The following FRAS1 variants were observed in gnomAD, a reference collection of about 807,000 sequenced individuals.
The protein encoded by FRAS1 is Fraser extracellular matrix complex subunit 1.
A neutral mutation model predicts 435.2 loss-of-function variants in FRAS1; 290 were observed. That is an observed-to-expected ratio of 0.67 (90% CI 0.61 to 0.73). The LOEUF (loss-of-function observed/expected upper bound fraction) is 0.73, where lower values mean the gene tolerates loss of function less well. Among genes scored for constraint, FRAS1 ranks in the 30% least tolerant of loss-of-function variants. FRAS1 has a pLI of 0.00. For synonymous variants in FRAS1, 1,800 were observed against 1,851.0 expected (o/e 0.97, Z 0.71); for missense variants, 4,860 against 5,001.5 (o/e 0.97, Z 0.85).
intron 2 of FRAS1, among the ~76,000 whole-genome samples, chr4:78,104,941 A>G (rs1200594381): frequency 1.3e-5 from 2 of 152,246 alleles, no homozygotes; most frequent in Non-Finnish European, 2.9e-5. Context: ...CAAGGTGTTC[A>G]GCCTAACCTT....
At chr4:78,487,023 C>T (rs1720191461) in intron 58 of FRAS1, among the ~76,000 whole-genome samples, 1 of 152,154 alleles carries the variant, frequency 6.6e-6, no homozygotes, top group African/African-American at 2.4e-5. Flanking sequence ...CAAGAAAAAA[C>T]AATCTAAAGC....
chr4:78,224,951 T>C (rs1281078482), intron 2 of FRAS1, among the ~76,000 whole-genome samples: 1 of 152,202 alleles, frequency 6.6e-6, no homozygotes, highest in Non-Finnish European at 1.5e-5. Context: ...CTAACTTGTT[T>C]GCGCATTAGT....
chr4:78,118,273 G>C (rs1718778549), intron 2 of FRAS1, among the ~76,000 whole-genome samples: 2 of 152,202 alleles, frequency 1.3e-5, no homozygotes. Context: ...GCTACTCGGG[G>C]ACCAGGGACC....
At chr4:78,446,224 G>C (rs1718823935) in intron 42 of FRAS1, 1 of 996,300 alleles carries the variant, frequency 1.0e-6, no homozygotes, top group African/African-American at 1.7e-5. Context: ...CCTCTGCCTT[G>C]GGAAAATAAA....
At chr4:78,286,603 C>T in intron 14 of FRAS1, 64 bp downstream of exon 14, 3 of 1,556,492 alleles carry the variant, frequency 1.9e-6, no homozygotes, top group South Asian at 2.3e-5. Context: ...CTGACCCCAC[C>T]AAGTGATCTG....
intron 1 of FRAS1, 115 bp from the exon 2 acceptor site, chr4:78,065,870 C>T (rs1740009912): frequency 2.7e-6 from 2 of 748,486 alleles, no homozygotes; most frequent in Non-Finnish European, 4.5e-6. Flanking sequence ...TTGGAAGAAG[C>T]TCATTTTCCT....
At chr4:78,538,343 T>C (rs530791807) in intron 72 of FRAS1, among the ~76,000 whole-genome samples, 42 of 152,320 alleles carry the variant, frequency 2.8e-4, no homozygotes, top group African/African-American at 9.6e-4. Context: ...TGTAAGTGTG[T>C]AAAGGGTCCT....
chr4:78,218,653 CAG>C (rs1723909701), intron 2 of FRAS1, among the ~76,000 whole-genome samples: 1 of 152,152 alleles, frequency 6.6e-6, no homozygotes, highest in Non-Finnish European at 1.5e-5. Context: ...CTTGAGATTG[CAG>C]AGAGTTAGCC....
At chr4:78,066,280 G>A (rs1430219611) in intron 2 of FRAS1, among the ~76,000 whole-genome samples, 1 of 152,098 alleles carries the variant, frequency 6.6e-6, no homozygotes, top group Non-Finnish European at 1.5e-5. Flanking sequence ...TGTTCTTTGT[G>A]TTCTTTTAAT....
chr4:78,367,305 TGAAGCAG>T (rs1731310505), intron 22 of FRAS1, among the ~76,000 whole-genome samples: 1 of 151,604 alleles, frequency 6.6e-6, no homozygotes, highest in Non-Finnish European at 1.5e-5. Flanking sequence ...TATGGGAATC[TGAAGCAG>T]GTTTGCTTGA....
intron 15 of FRAS1, among the ~76,000 whole-genome samples, chr4:78,311,070 T>G (rs916041261): frequency 1.3e-5 from 2 of 152,276 alleles, no homozygotes; most frequent in Admixed American, 6.5e-5. Context: ...TTTTAAGTAT[T>G]TATGCCATTA....
intron 51 of FRAS1, among the ~76,000 whole-genome samples, chr4:78,470,519 TATC>T (rs1032833845): frequency 6.6e-6 from 1 of 152,122 alleles, no homozygotes; most frequent in Non-Finnish European, 1.5e-5. Context: ...TGGCCCTCAG[TATC>T]CACAGGTTCC....
chr4:78,304,991 G>C (rs567857321), intron 14 of FRAS1, among the ~76,000 whole-genome samples: 1 of 152,218 alleles, frequency 6.6e-6, no homozygotes, highest in African/African-American at 2.4e-5. Flanking sequence ...TTTCTCTTGT[G>C]GGCATTTAGT....
intron 2 of FRAS1, among the ~76,000 whole-genome samples, chr4:78,234,484 G>C (rs1208908093): frequency 6.6e-6 from 1 of 152,028 alleles, no homozygotes; most frequent in Non-Finnish European, 1.5e-5. Context: ...CTCGGCCCCC[G>C]AAAGTGCTGG....
At chr4:78,372,608 C>G (rs755408649) in intron 23 of FRAS1, 110 bp from the exon 24 acceptor site, 4 of 1,308,612 alleles carry the variant, frequency 3.1e-6, no homozygotes, top group East Asian at 4.6e-5. Context: ...ACATCTCTTA[C>G]GTTGTCCTTA....
chr4:78,435,777 C>T (rs1222197763), intron 38 of FRAS1, among the ~76,000 whole-genome samples: 3 of 151,392 alleles, frequency 2.0e-5, no homozygotes, highest in Non-Finnish European at 2.9e-5. Context: ...CAAGCCGGAG[C>T]AGTGGAAATA....
chr4:78,476,992 A>T (rs1217783107), intron 54 of FRAS1, among the ~76,000 whole-genome samples: 7 of 148,646 alleles, frequency 4.7e-5, no homozygotes, highest in African/African-American at 1.7e-4. Flanking sequence ...TTCTTTTTAA[A>T]AAAAAAAAAA....
At chr4:78,480,202 C>T (rs1173550834) in intron 56 of FRAS1, among the ~76,000 whole-genome samples, 6 of 152,102 alleles carry the variant, frequency 3.9e-5, no homozygotes. Context: ...ACCCATTAAC[C>T]ATGCCCACTT....
At position 78,448,225 on chromosome 4, in the gene FRAS1, C is replaced by A. The variant is rs780449619; in HGVS notation, c.6183C>A (p.His2061Gln). 1.3e-6 allele frequency: 2 copies of A among 1,564,594 alleles called. No individual in the cohort carries two copies. Among genetic ancestry groups the A allele is most frequent in the South Asian group, 1.2e-5 (1 of 85,724 alleles). The stretch of plus-strand genomic sequence containing the variant: ...AGTTCTCCCTCACTGATGGCCTCCA[C>A]GTGGACACAGGGAGGATGAAGATCT... ...EFQFSLTDGL[H>Q]VDTGRMKIYT... is the part of the protein sequence containing the mutation. Residue 2061 changes from histidine to glutamine, a missense_variant, in exon 44 of 74, where the codon CAC becomes CAA. His to Gln is a conservative substitution (Grantham distance 24). Transcript: ENST00000512123.
Sources: gnomAD v4.1 joint callset for allele counts (sites outside exome capture counted in the v4.1 genomes callset) on GRCh38, gnomAD v4.1.1 for gene constraint, MANE v1.5 for transcripts, NCBI Gene and HGNC (gene_info 2026-07-23, HGNC 2026-07-21) for gene names.